Variants in PPM1B observed in about 807,000 individuals in gnomAD.
PPM1B encodes protein phosphatase 1B.
In PPM1B, 22 loss-of-function variants were observed where a neutral mutation model predicts 43.0. The ratio of observed to expected loss-of-function variants is 0.51; its 90% CI spans 0.37 to 0.73. The LOEUF (loss-of-function observed/expected upper bound fraction) is 0.73, where lower values mean the gene tolerates loss of function less well. PPM1B is among the 30% of genes least tolerant of loss of function. The probability of loss-of-function intolerance (pLI) is 0.00; values close to 1 mark genes in which losing one functional copy is unlikely to be tolerated. For missense variants in PPM1B, 632 were observed against 584.2 expected, an observed-to-expected ratio of 1.08 and a Z score of -0.84; for synonymous variants, 217 against 197.9, an observed-to-expected ratio of 1.10 and a Z score of -0.81.
At chr2:44,202,628 T>C (rs1014926796) in intron 2 of PPM1B, among the ~76,000 whole-genome samples, 24 of 152,240 alleles carry the variant, frequency 1.6e-4, no homozygotes, top group Non-Finnish European at 2.9e-4. Context: ...ACTTGGATAG[T>C]ATCTTTTGTA....
At chr2:44,244,365 C>G (rs1286611034) in exon 6 of PPM1B, 4 of 1,354,852 alleles carry the variant, frequency 3.0e-6, no homozygotes, top group Non-Finnish European at 3.9e-6. Context: ...GAAAAATAAA[C>G]CCAGCATTAT....
At chr2:44,231,843 A>G (rs1271313977), downstream of PPM1B, among the ~76,000 whole-genome samples, 1 of 152,298 alleles carries the variant, frequency 6.6e-6, no homozygotes, top group East Asian at 1.9e-4. Context: ...ATAGTGGCAG[A>G]TGAGAGTTTT....
chr2:44,207,832 C>T (rs760011320), intron 2 of PPM1B, among the ~76,000 whole-genome samples: 8 of 150,852 alleles, frequency 5.3e-5, no homozygotes, highest in African/African-American at 9.8e-5. Flanking sequence ...GTCTGCTCAC[C>T]GAGGCCTCCC....
At chr2:44,204,883 AAGAT>A (rs1669100395) in intron 2 of PPM1B, among the ~76,000 whole-genome samples, 1 of 150,650 alleles carries the variant, frequency 6.6e-6, no homozygotes, top group East Asian at 1.9e-4. Flanking sequence ...AAAAAAAAAA[AAGAT>A]AAGCATTTTT....
chr2:44,187,249 T>C (rs2104048803), intron 1 of PPM1B, among the ~76,000 whole-genome samples: 1 of 152,338 alleles, frequency 6.6e-6, no homozygotes, highest in East Asian at 1.9e-4. Flanking sequence ...GCTTCACTTT[T>C]TTTAAGGCTG....
At chr2:44,191,649 T>A (rs1166370159) in intron 1 of PPM1B, among the ~76,000 whole-genome samples, 1 of 152,216 alleles carries the variant, frequency 6.6e-6, no homozygotes, top group Non-Finnish European at 1.5e-5. Context: ...GAGATTTACA[T>A]TGTATCAGCA....
At chr2:44,223,639 C>A (rs1670074341) in intron 5 of PPM1B, among the ~76,000 whole-genome samples, 1 of 151,242 alleles carries the variant, frequency 6.6e-6, no homozygotes, top group African/African-American at 2.4e-5. Flanking sequence ...GAAACCCCGT[C>A]TCTACTAAAA....
intron 5 of PPM1B, among the ~76,000 whole-genome samples, chr2:44,224,255 A>T (rs1175902228): frequency 6.6e-6 from 1 of 152,078 alleles, no homozygotes; most frequent in Admixed American, 6.5e-5. Context: ...GGAGATTGAG[A>T]CCATCCTGGC....
chr2:44,214,063 G>C (rs1218462809), intron 3 of PPM1B, among the ~76,000 whole-genome samples: 2 of 152,130 alleles, frequency 1.3e-5, no homozygotes, highest in Non-Finnish European at 2.9e-5. Flanking sequence ...GGAAACTAAA[G>C]ATAAAAACAC....
downstream of PPM1B, chr2:44,232,450 A>T (rs1434125381): frequency 1.9e-6 from 3 of 1,565,118 alleles, no homozygotes; most frequent in Non-Finnish European, 2.6e-6. Context: ...CGGATTCCCA[A>T]CGTTTTGTGA....
At position 44,168,988 on chromosome 2, in the gene PPM1B, G is replaced by A. The variant is rs1351458123; in HGVS notation, c.-301G>A. 6.4e-6 allele frequency: 1 copy of A among 155,550 alleles called. No individual in the cohort carries two copies. The highest frequency in any genetic ancestry group is 2.4e-5 in the African/African-American group (1 of 41,480). The allele number at this position is 155,550 out of a possible 1,614,324, so 9.6% of individuals were successfully genotyped here. A position where few individuals can be genotyped will look rare whatever the true frequency, so the allele number is the denominator to read the frequency against. ...TCCTGCCGGCGCGGCTGGAGTCTCT[G>A]ATTCTCAGGGTTCGGTGGTTGGAAG... On this transcript the variant is annotated 5_prime_UTR_variant, in exon 1 of 6. Coordinates refer to ENST00000282412, the MANE Select transcript of PPM1B (RefSeq NM_002706.6).
rs60126831 is a variant in PPM1B, at chr2:44,226,964, ATTTATTT to A, written c.1135-3448_1135-3442del. Among the ~76,000 whole-genome samples the A allele has an allele frequency of 5.2e-3, 738 of 142,574 alleles. 7 individuals carry two copies. The highest frequency in any genetic ancestry group is 0.018 in the African/African-American group (710 of 40,024). 93.5% of individuals were successfully genotyped at this position (142,574 alleles called of 152,430 possible). ...TATTTATTTATTTATTTATTTATTT[ATTTATTT>A]ATGAATGAATGAATGAATGAATGAC... On this transcript the variant is annotated intron_variant, in intron 5 of 5. Transcript: ENST00000282412.
At chr2:44,176,648 C>G (rs141060223) in intron 1 of PPM1B, among the ~76,000 whole-genome samples, 2 of 152,154 alleles carry the variant, frequency 1.3e-5, no homozygotes, top group Non-Finnish European at 2.9e-5. Context: ...GGTAAAGAGG[C>G]CTCTTCTTCA....
At chr2:44,180,001 C>G (rs1156693492) in intron 1 of PPM1B, among the ~76,000 whole-genome samples, 1 of 128,220 alleles carries the variant, frequency 7.8e-6, no homozygotes, top group Non-Finnish European at 1.6e-5. Flanking sequence ...AAGAGCGAAA[C>G]TTCGTTCCAA....
rs773346061 is a variant in PPM1B, at chr2:44,218,020, C to T, written c.1018C>T (p.Arg340Cys). The change falls in exon 4 of 6, where the codon CGC becomes TGC. Residue 340 changes from arginine to cysteine, a missense_variant. Arg to Cys is a radical substitution (Grantham distance 180). Coordinates refer to ENST00000282412, the MANE Select transcript of PPM1B (RefSeq NM_002706.6). The stretch of plus-strand genomic sequence containing the variant: ...AATGCCTGATCTTGCCCATGTCATG[C>T]GCATCTTGTCTGCAGAAAATATCCC... Reference protein sequence around the residue: ...EGMPDLAHVMRILSAENIPNL... With the variant: ...EGMPDLAHVMCILSAENIPNL... The T allele has an allele frequency of 6.8e-6, 11 of 1,612,112 alleles. No individual in the cohort carries two copies. Among genetic ancestry groups the T allele is most frequent in the Non-Finnish European group, 8.5e-6 (10 of 1,179,464 alleles).
chr2:44,176,436 G>T (rs1314026904), intron 1 of PPM1B, among the ~76,000 whole-genome samples: 2 of 152,214 alleles, frequency 1.3e-5, no homozygotes, highest in Non-Finnish European at 2.9e-5. Context: ...GGCTAATGGA[G>T]CCAATTTGTC....
downstream of PPM1B, chr2:44,234,296 G>C: frequency 2.4e-6 from 2 of 830,390 alleles, no homozygotes; most frequent in Non-Finnish European, 2.9e-6. Context: ...CAAGGCGGGT[G>C]GATCACGAGG....
chr2:44,227,109 G>C (rs1670253418), intron 5 of PPM1B, among the ~76,000 whole-genome samples: 1 of 151,904 alleles, frequency 6.6e-6, no homozygotes, highest in South Asian at 2.1e-4. Context: ...AAGTAGCTGG[G>C]ACCAGAGGTG....
intron 3 of PPM1B, among the ~76,000 whole-genome samples, chr2:44,211,283 C>A (rs897997157): frequency 6.6e-6 from 1 of 152,148 alleles, no homozygotes; most frequent in Admixed American, 6.5e-5. Context: ...GCTGTCATGC[C>A]TCTTTAGTCT....
Sources: allele counts gnomAD v4.1 joint callset (sites outside exome capture counted in the v4.1 genomes callset), GRCh38; gene constraint gnomAD v4.1.1; transcripts MANE v1.5; gene names NCBI Gene and HGNC (gene_info 2026-07-23, HGNC 2026-07-21).